SYT2: variants seen among roughly 807,000 people sequenced by gnomAD.
The protein encoded by SYT2 is synaptotagmin-2.
In SYT2, 15 loss-of-function variants were observed where a neutral mutation model predicts 39.9. The ratio of observed to expected loss-of-function variants is 0.38; its 90% CI spans 0.25 to 0.58. SYT2 has a LOEUF of 0.58. Ranked by LOEUF, SYT2 falls within the 20% of genes least tolerant of loss-of-function variation. The pLI, the probability that SYT2 is intolerant of heterozygous loss-of-function variation, is 0.70. For synonymous variants in SYT2, 181 were observed against 204.5 expected, an observed-to-expected ratio of 0.89 and a Z score of 0.98; for missense variants, 389 against 530.3, an observed-to-expected ratio of 0.73 and a Z score of 2.62.
At chr1:202,695,428 A>G (rs1413270197) in intron 1 of SYT2, among the ~76,000 whole-genome samples, 1 of 151,638 alleles carries the variant, frequency 6.6e-6, no homozygotes, top group Non-Finnish European at 1.5e-5. Flanking sequence ...GAAACATGAA[A>G]CTCCCTGGCC....
intron 1 of SYT2, among the ~76,000 whole-genome samples, chr1:202,610,299 A>G (rs947390405): frequency 3.3e-5 from 5 of 152,158 alleles, no homozygotes; most frequent in Non-Finnish European, 5.9e-5. Flanking sequence ...GCCTTGTAGT[A>G]TAGTTTGAAG....
intron 1 of SYT2, among the ~76,000 whole-genome samples, chr1:202,674,619 T>C (rs1214815576): frequency 6.6e-6 from 1 of 152,212 alleles, no homozygotes; most frequent in East Asian, 1.9e-4. Flanking sequence ...GGGAGTATGA[T>C]CTGTTACCAG....
At chr1:202,680,858 G>A (rs142321426) in intron 1 of SYT2, among the ~76,000 whole-genome samples, 60 of 152,252 alleles carry the variant, frequency 3.9e-4, no homozygotes, top group African/African-American at 1.3e-3. Flanking sequence ...GTGGATTTCC[G>A]TAAACTCCAC....
chr1:202,615,122 G>A (rs1012800259), intron 1 of SYT2, among the ~76,000 whole-genome samples: 1 of 152,176 alleles, frequency 6.6e-6, no homozygotes, highest in African/African-American at 2.4e-5. Context: ...CATTCCCGGG[G>A]AATCCACCAG....
chr1:202,601,761 AGT>A lies in SYT2; in HGVS notation c.801+127_801+128del. ...CTTGCCCAGGGTCACACAGCCAGGC[AGT>A]GTGGAGCTGGGATCCTAACACAGGT... On this transcript the variant is annotated intron_variant, in intron 6 of 8. Transcript: ENST00000367268. This position sits in a 1 kb window ranked among gnomAD's most constrained non-coding sequence, Gnocchi z 4.0. 1.0e-6 allele frequency: 1 copy of A among 952,662 alleles called. No individual in the cohort carries two copies. The highest frequency in any genetic ancestry group is 1.6e-6 in the Non-Finnish European group (1 of 625,312). 59.0% of individuals were successfully genotyped at this position (952,662 alleles called of 1,614,324 possible). A position where few individuals can be genotyped will look rare whatever the true frequency, so the allele number is the denominator to read the frequency against.
At chr1:202,683,420 C>T (rs151328220) in intron 1 of SYT2, among the ~76,000 whole-genome samples, 99 of 152,268 alleles carry the variant, frequency 6.5e-4, no homozygotes, top group African/African-American at 2.4e-3. Flanking sequence ...ACAAACATCA[C>T]ACAGGGGAAG....
At chr1:202,635,498 T>C (rs1171125746) in intron 1 of SYT2, among the ~76,000 whole-genome samples, 4 of 152,174 alleles carry the variant, frequency 2.6e-5, no homozygotes, top group Non-Finnish European at 4.4e-5. Context: ...AGAAGAAACA[T>C]AGTGGACTTC....
chr1:202,641,651 T>C (rs554627331), intron 1 of SYT2, among the ~76,000 whole-genome samples: 59 of 152,290 alleles, frequency 3.9e-4, no homozygotes, highest in African/African-American at 1.3e-3. Context: ...CATTGCACAG[T>C]GGGGTGCTCT....
At chr1:202,646,840 C>T (rs1248135830) in intron 1 of SYT2, among the ~76,000 whole-genome samples, 1 of 152,130 alleles carries the variant, frequency 6.6e-6, no homozygotes, top group Non-Finnish European at 1.5e-5. Flanking sequence ...TCCTGACCCC[C>T]AACTCTCTCT....
At chr1:202,697,805 CATTTTT>C (rs1252082803) in intron 1 of SYT2, among the ~76,000 whole-genome samples, 1 of 152,154 alleles carries the variant, frequency 6.6e-6, no homozygotes, top group Non-Finnish European at 1.5e-5. Context: ...GAATGTATAC[CATTTTT>C]ATTTGTCAAT....
At chr1:202,700,873 T>C (rs768490647) in intron 1 of SYT2, among the ~76,000 whole-genome samples, 18 of 152,354 alleles carry the variant, frequency 1.2e-4, no homozygotes, top group Non-Finnish European at 1.5e-5. Flanking sequence ...TTTTCTTTGA[T>C]ATGACATCAC....
At chr1:202,639,367 A>C (rs1691836276) in intron 1 of SYT2, 1 of 273,602 alleles carries the variant, frequency 3.7e-6, no homozygotes, top group Non-Finnish European at 5.6e-6. Flanking sequence ...CTTAACAGGG[A>C]GGAAGGAAAG....
intron 1 of SYT2, among the ~76,000 whole-genome samples, chr1:202,693,715 G>A (rs542821729): frequency 6.6e-6 from 1 of 152,292 alleles, no homozygotes; most frequent in East Asian, 1.9e-4. Flanking sequence ...GTTTGGGACA[G>A]TATCAAAAAA....
At chr1:202,678,273 C>CAAAAAAA (rs773123862) in intron 1 of SYT2, among the ~76,000 whole-genome samples, 1 of 30,726 alleles carries the variant, frequency 3.3e-5, no homozygotes, top group Admixed American at 4.0e-4. Context: ...GACTCTGTCT[C>CAAAAAAA]AAAAAAAAAA....
intron 1 of SYT2, among the ~76,000 whole-genome samples, chr1:202,655,556 C>T (rs1692263767): frequency 6.6e-6 from 1 of 152,154 alleles, no homozygotes; most frequent in Admixed American, 6.5e-5. Context: ...GCCCAACCTA[C>T]GTGACCCTTG....
rs149762939 is a variant in SYT2, at chr1:202,603,263, C to T, written c.346-145G>A. 373 of 1,179,714 alleles carry T rather than the reference C, an allele frequency of 3.2e-4. 4 individuals are homozygous for T. In the East Asian group the frequency reaches 8.9e-3, roughly 28 times the overall value. 73.1% of individuals were successfully genotyped at this position (1,179,714 alleles called of 1,614,324 possible). ...GGTGGGAACACAAGAGGGAACGTGGCCCTGCCATGGGACCCTCCTTCACGG... is the reference window on the plus strand; with the variant it reads ...GGTGGGAACACAAGAGGGAACGTGGTCCTGCCATGGGACCCTCCTTCACGG... On this transcript the variant is annotated intron_variant, in intron 3 of 8. Transcript: ENST00000367268.
chr1:202,660,472 A>G (rs1692355791), intron 1 of SYT2, among the ~76,000 whole-genome samples: 1 of 152,124 alleles, frequency 6.6e-6, no homozygotes. Flanking sequence ...GCTTTCACCA[A>G]ATAGCTCCCA....
At chr1:202,609,947 G>A (rs1360597891) in intron 1 of SYT2, among the ~76,000 whole-genome samples, 5 of 152,138 alleles carry the variant, frequency 3.3e-5, no homozygotes, top group Non-Finnish European at 4.4e-5. Flanking sequence ...TGTTTTAGAC[G>A]TGAAGTCCTT....
intron 1 of SYT2, among the ~76,000 whole-genome samples, chr1:202,615,622 A>AT (rs952189835): frequency 1.3e-5 from 2 of 152,110 alleles, no homozygotes; most frequent in African/African-American, 2.4e-5. Context: ...CACATTTAGA[A>AT]TAAGATCCCT....
Sources: allele counts gnomAD v4.1 joint callset (sites outside exome capture counted in the v4.1 genomes callset), GRCh38; gene constraint gnomAD v4.1.1; non-coding constraint Gnocchi (gnomAD v3.1); transcripts MANE v1.5; gene names NCBI Gene and HGNC (gene_info 2026-07-23, HGNC 2026-07-21).